The following GPC6 variants were observed in gnomAD, a reference collection of about 807,000 sequenced individuals.
GPC6 encodes glypican 6, also known as glypican-6.
In GPC6, 14 loss-of-function variants were observed where a neutral mutation model predicts 55.2. That is an observed-to-expected ratio of 0.25 (90% CI 0.17 to 0.40). GPC6 has a LOEUF of 0.40. Among genes scored for constraint, GPC6 ranks in the 10% least tolerant of loss-of-function variants. GPC6 has a pLI of 1.00. For synonymous variants in GPC6, 278 were observed against 259.6 expected (o/e 1.07, Z -0.68); for missense variants, 641 against 708.5 (o/e 0.90, Z 1.08).
intron 3 of GPC6, among the ~76,000 whole-genome samples, chr13:93,843,225 A>G (rs9524254): frequency 0.42 from 63,582 of 151,806 alleles, 14,433 homozygotes; most frequent in African/African-American, 0.59. Context: ...CAGTTGGCTC[A>G]CATCGTTTGT....
chr13:93,982,068 T>C (rs1880828901), intron 3 of GPC6, among the ~76,000 whole-genome samples: 1 of 152,138 alleles, frequency 6.6e-6, no homozygotes, highest in South Asian at 2.1e-4. Flanking sequence ...TTGGGGTAAA[T>C]ACCACTGAAC....
intron 2 of GPC6, among the ~76,000 whole-genome samples, chr13:93,829,728 A>C (rs1205076630): frequency 1.3e-5 from 2 of 152,200 alleles, no homozygotes; most frequent in Non-Finnish European, 2.9e-5. Flanking sequence ...AAAGCAATTT[A>C]ATGGAATTTA....
At chr13:93,748,576 A>G (rs561870504) in intron 2 of GPC6, among the ~76,000 whole-genome samples, 1 of 152,210 alleles carries the variant, frequency 6.6e-6, no homozygotes, top group South Asian at 2.1e-4. Context: ...TTATGGCTTC[A>G]TATGCAGTTT....
At chr13:93,959,826 A>G (rs1282046630) in intron 3 of GPC6, among the ~76,000 whole-genome samples, 1 of 152,218 alleles carries the variant, frequency 6.6e-6, no homozygotes, top group Non-Finnish European at 1.5e-5. Flanking sequence ...TATTTTAGAA[A>G]TGACGAAACT....
At chr13:93,293,233 G>A (rs1407196458) in intron 1 of GPC6, among the ~76,000 whole-genome samples, 5 of 151,450 alleles carry the variant, frequency 3.3e-5, no homozygotes, top group African/African-American at 7.3e-5. Flanking sequence ...GTAGTGTCTC[G>A]GTATTAGGGG....
chr13:93,637,973 TC>T (rs1879765781), intron 2 of GPC6, among the ~76,000 whole-genome samples: 4 of 152,070 alleles, frequency 2.6e-5, no homozygotes, highest in Non-Finnish European at 5.9e-5. Context: ...GATGGAGTAC[TC>T]ACCTTAAAAA....
chr13:93,341,706 T>C (rs199892509), intron 1 of GPC6, among the ~76,000 whole-genome samples: 2 of 146,376 alleles, frequency 1.4e-5, no homozygotes, highest in Non-Finnish European at 3.0e-5. Flanking sequence ...TTTTTTTTTT[T>C]TTCTTTTTTT....
intron 1 of GPC6, among the ~76,000 whole-genome samples, chr13:93,266,294 A>C (rs1325897439): frequency 2.6e-5 from 4 of 152,156 alleles, no homozygotes; most frequent in African/African-American, 7.2e-5. Flanking sequence ...TTTATGCTAA[A>C]ACAATCTCTT....
intron 3 of GPC6, among the ~76,000 whole-genome samples, chr13:93,885,818 G>T (rs1239694005): frequency 6.6e-6 from 1 of 152,110 alleles, no homozygotes; most frequent in East Asian, 1.9e-4. Context: ...TTCAGATACA[G>T]ATCTTTTAAC....
chr13:93,564,424 T>C (rs1254055887), intron 2 of GPC6, among the ~76,000 whole-genome samples: 1 of 152,154 alleles, frequency 6.6e-6, no homozygotes, highest in Non-Finnish European at 1.5e-5. Context: ...CTTTTGTACC[T>C]TTTGAATATT....
At chr13:93,549,323 G>A (rs982389068) in intron 2 of GPC6, among the ~76,000 whole-genome samples, 1 of 152,164 alleles carries the variant, frequency 6.6e-6, no homozygotes, top group African/African-American at 2.4e-5. Context: ...TTTGTGTTTA[G>A]TGATTAGCCT....
intron 2 of GPC6, among the ~76,000 whole-genome samples, chr13:93,655,939 G>GAATTT (rs771119161): frequency 1.3e-5 from 2 of 152,108 alleles, no homozygotes; most frequent in Non-Finnish European, 2.9e-5. Flanking sequence ...ATGCGTATAT[G>GAATTT]AATTTATTCT....
intron 2 of GPC6, among the ~76,000 whole-genome samples, chr13:93,621,310 G>A (rs1239680557): frequency 6.6e-6 from 1 of 152,192 alleles, no homozygotes; most frequent in African/African-American, 2.4e-5. Context: ...TTAAAGGGAG[G>A]CTGAGAGAAA....
intron 6 of GPC6, among the ~76,000 whole-genome samples, chr13:94,373,399 G>A (rs188083733): frequency 0.018 from 2,781 of 152,126 alleles, 94 homozygotes; most frequent in African/African-American, 0.063. Flanking sequence ...ACCAAGGCTC[G>A]AGAACTACGT....
intron 2 of GPC6, among the ~76,000 whole-genome samples, chr13:93,637,108 C>G (rs996213646): frequency 3.9e-5 from 6 of 152,052 alleles, no homozygotes; most frequent in Admixed American, 6.6e-5. Flanking sequence ...GGGGCATAAA[C>G]AGTGTAAGCT....
At chr13:93,660,567 C>T (rs1235006689) in intron 2 of GPC6, among the ~76,000 whole-genome samples, 1 of 152,134 alleles carries the variant, frequency 6.6e-6, no homozygotes. Context: ...TAAATTCAAG[C>T]TTTGTCCTTG....
chr13:93,883,120 T>C (rs1875097103), intron 3 of GPC6, among the ~76,000 whole-genome samples: 1 of 150,804 alleles, frequency 6.6e-6, no homozygotes, highest in African/African-American at 2.5e-5. Context: ...TCTGGTCCTC[T>C]CTGTTCAATA....
intron 1 of GPC6, among the ~76,000 whole-genome samples, chr13:93,541,104 C>T: frequency 6.6e-6 from 1 of 150,728 alleles, no homozygotes; most frequent in Non-Finnish European, 1.5e-5. Context: ...ATACATGTGC[C>T]ATGCTGGTGT....
At chr13:93,592,636 C>A (rs993108714) in intron 2 of GPC6, among the ~76,000 whole-genome samples, 25 of 151,372 alleles carry the variant, frequency 1.7e-4, no homozygotes, top group South Asian at 6.2e-4. Flanking sequence ...AAAAATAAAT[C>A]TTTGATTCCT....
Sources: allele counts gnomAD v4.1 joint callset (sites outside exome capture counted in the v4.1 genomes callset), GRCh38; gene constraint gnomAD v4.1.1; transcripts MANE v1.5; gene names NCBI Gene and HGNC (gene_info 2026-07-23, HGNC 2026-07-21).